The following CNTN5 variants were observed in gnomAD, a reference collection of about 807,000 sequenced individuals.
CNTN5 encodes contactin 5.
In CNTN5, 77 loss-of-function variants were observed where a neutral mutation model predicts 129.1. The ratio of observed to expected loss-of-function variants is 0.60; its 90% CI spans 0.50 to 0.72. CNTN5 has a LOEUF of 0.72. Ranked by LOEUF, CNTN5 falls within the 30% of genes least tolerant of loss-of-function variation. The pLI, the probability that CNTN5 is intolerant of heterozygous loss-of-function variation, is 0.00. For missense variants in CNTN5, 1,478 were observed against 1,328.8 expected (o/e 1.11, Z -1.75); for synonymous variants, 509 against 465.6 (o/e 1.09, Z -1.20).
At chr11:99,986,672 T>A (rs1326612014) in intron 8 of CNTN5, among the ~76,000 whole-genome samples, 1 of 152,206 alleles carries the variant, frequency 6.6e-6, no homozygotes, top group African/African-American at 2.4e-5. Flanking sequence ...CATCCTTTTT[T>A]TCTCTGCTCT....
At position 100,284,661 on chromosome 11, in the gene CNTN5, G is replaced by A. The variant is rs560661458; in HGVS notation, c.2315-12964G>A. Among the ~76,000 whole-genome samples, 10 of 152,134 alleles carry A rather than the reference G, an allele frequency of 6.6e-5. 1 individual carries two copies. Among genetic ancestry groups the A allele is most frequent in the South Asian group, 6.2e-4 (3 of 4,816 alleles). On this transcript the variant is annotated intron_variant, in intron 18 of 24. Coordinates refer to ENST00000524871, the MANE Select transcript of CNTN5 (RefSeq NM_014361.4). ...TCTATACGTTACATGTTCTTAATAC[G>A]GTTGAAAAATAAATGAAAGGGAGAA...
At chr11:99,171,304 A>C (rs2135540735) in intron 1 of CNTN5, among the ~76,000 whole-genome samples, 1 of 152,340 alleles carries the variant, frequency 6.6e-6, no homozygotes, top group East Asian at 1.9e-4. Flanking sequence ...TGATGTCAAA[A>C]TTTGTATGTA....
chr11:100,182,600 AAAAT>A (rs1179927119), intron 13 of CNTN5, among the ~76,000 whole-genome samples: 1 of 152,232 alleles, frequency 6.6e-6, no homozygotes, highest in East Asian at 1.9e-4. Context: ...AACCATTTGC[AAAAT>A]AAATAAATAG....
chr11:99,966,762 G>C (rs1951105208), intron 8 of CNTN5, among the ~76,000 whole-genome samples: 1 of 152,158 alleles, frequency 6.6e-6, no homozygotes, highest in African/African-American at 2.4e-5. Flanking sequence ...TAGAGAAAGT[G>C]ACTCCTTCTA....
Position 100,131,715 on chromosome 11 carries a change from GA to G in CNTN5, c.1580+57423del, listed in dbSNP as rs1946384483. On this transcript the variant is annotated intron_variant, in intron 13 of 24. Coordinates refer to ENST00000524871, the MANE Select transcript of CNTN5 (RefSeq NM_014361.4). ...GTCTGAAAATAAAGCCAAAGGAAAA[GA>G]ACTTTTCAAGAAACTGGCTCATCAT... Among the ~76,000 whole-genome samples, 9 of 152,136 alleles carry G rather than the reference GA, an allele frequency of 5.9e-5. No homozygotes were observed. In the South Asian group the frequency reaches 1.9e-3, roughly 32 times the overall value.
At chr11:99,310,752 T>C (rs1444990617) in intron 1 of CNTN5, among the ~76,000 whole-genome samples, 3 of 152,172 alleles carry the variant, frequency 2.0e-5, no homozygotes, top group African/African-American at 7.2e-5. Context: ...CTTAAATTAA[T>C]ATAAATGAAA....
intron 1 of CNTN5, among the ~76,000 whole-genome samples, chr11:99,274,968 G>T (rs1343950948): frequency 6.6e-6 from 1 of 151,398 alleles, no homozygotes; most frequent in Non-Finnish European, 1.5e-5. Flanking sequence ...AGTATTGATA[G>T]TTTATAATTT....
intron 3 of CNTN5, among the ~76,000 whole-genome samples, chr11:99,726,556 T>C (rs1036059776): frequency 6.6e-5 from 10 of 152,242 alleles, no homozygotes; most frequent in African/African-American, 2.4e-4. Context: ...CTGACACTTA[T>C]TTCTTACTTC....
At position 99,230,416 on chromosome 11, in the gene CNTN5, A is replaced by G. The variant is rs555063068; in HGVS notation, c.-209-94930A>G. On this transcript the variant is annotated intron_variant, in intron 1 of 24. Transcript: ENST00000524871. ...AAAATGACAAATTTACATATTTTCCATGTTTTAAATGGAAATAAATTATGT... is the reference window on the plus strand; with the variant it reads ...AAAATGACAAATTTACATATTTTCCGTGTTTTAAATGGAAATAAATTATGT... Among the ~76,000 whole-genome samples, 10 of 150,636 alleles carry G rather than the reference A, an allele frequency of 6.6e-5. No individual in the cohort carries two copies. The South Asian group carries it at 1.9e-3, about 28-fold the overall frequency.
chr11:100,032,141 G>A (rs1156401647), intron 9 of CNTN5, among the ~76,000 whole-genome samples: 1 of 152,160 alleles, frequency 6.6e-6, no homozygotes, highest in Non-Finnish European at 1.5e-5. Flanking sequence ...GCAGGTGAGA[G>A]ATATAACTTT....
At position 99,793,049 on chromosome 11, in the gene CNTN5, T is replaced by C. The variant is rs117280064; in HGVS notation, c.56-26495T>C. ...TTTGCCTGTATTAGTCTACTAGCAG[T>C]CTATCTATCTTATTAATTTTTTTTT... On this transcript the variant is annotated intron_variant, in intron 3 of 24. Transcript: ENST00000524871. 1.2e-4 allele frequency among the ~76,000 whole-genome samples: 18 copies of C among 151,924 alleles called. No individual in the cohort carries two copies. The East Asian group carries it at 3.5e-3, about 29-fold the overall frequency.
chr11:100,231,543 A>G (rs1391788752), intron 16 of CNTN5, among the ~76,000 whole-genome samples: 1 of 152,286 alleles, frequency 6.6e-6, no homozygotes, highest in South Asian at 2.1e-4. Context: ...ACAGAGTTCC[A>G]AGTTATACTT....
At chr11:100,074,634 G>C (rs1006304658) in intron 13 of CNTN5, among the ~76,000 whole-genome samples, 2 of 152,118 alleles carry the variant, frequency 1.3e-5, no homozygotes, top group Non-Finnish European at 2.9e-5. Flanking sequence ...TTTAAGCATT[G>C]TGTTTTAATT....
chr11:100,297,290 C>T (rs1020922374), intron 18 of CNTN5, among the ~76,000 whole-genome samples: 18 of 151,314 alleles, frequency 1.2e-4, no homozygotes, highest in African/African-American at 4.1e-4. Context: ...AAAAGAGTCA[C>T]GTCATTAGCA....
chr11:99,820,349 G>A (rs1946758841), intron 4 of CNTN5, among the ~76,000 whole-genome samples: 1 of 152,300 alleles, frequency 6.6e-6, no homozygotes, highest in Admixed American at 6.5e-5. Flanking sequence ...TTTTATTTCT[G>A]GAAGTGTATT....
intron 2 of CNTN5, among the ~76,000 whole-genome samples, chr11:99,464,367 A>G (rs963032724): frequency 2.6e-5 from 4 of 152,212 alleles, no homozygotes; most frequent in Non-Finnish European, 5.9e-5. Flanking sequence ...AAGAGATGCA[A>G]ACTTTCATTT....
intron 1 of CNTN5, among the ~76,000 whole-genome samples, chr11:99,165,946 T>C (rs1860845444): frequency 6.6e-6 from 1 of 152,204 alleles, no homozygotes; most frequent in Admixed American, 6.5e-5. Context: ...ATATTCAGCA[T>C]AATCCACCTT....
chr11:99,931,890 A>G (rs1459236811), intron 7 of CNTN5, among the ~76,000 whole-genome samples: 1 of 152,236 alleles, frequency 6.6e-6, no homozygotes, highest in Non-Finnish European at 1.5e-5. Context: ...TCCAGAGAGT[A>G]TCTAAGCTAG....
chr11:99,968,797 A>T (rs1246255996), intron 8 of CNTN5, among the ~76,000 whole-genome samples: 2 of 149,994 alleles, frequency 1.3e-5, no homozygotes, highest in Admixed American at 1.3e-4. Flanking sequence ...GGATAGTTCT[A>T]AGGGGACTGG....
Sources: allele counts gnomAD v4.1 joint callset (sites outside exome capture counted in the v4.1 genomes callset), GRCh38; gene constraint gnomAD v4.1.1; transcripts MANE v1.5; gene names NCBI Gene and HGNC (gene_info 2026-07-23, HGNC 2026-07-21).